Variants in SLC24A2 observed in about 807,000 individuals in gnomAD.
SLC24A2 encodes sodium/potassium/calcium exchanger 2.
In SLC24A2, 36 loss-of-function variants were observed where a neutral mutation model predicts 62.0. The observed-to-expected ratio is 0.58, with a 90% CI of 0.44 to 0.77. SLC24A2 has a LOEUF of 0.77. Ranked by LOEUF, SLC24A2 falls within the 30% of genes least tolerant of loss-of-function variation. SLC24A2 has a pLI of 0.00. For missense variants in SLC24A2, 846 were observed against 817.9 expected (o/e 1.03, Z -0.42); for synonymous variants, 358 against 294.0 (o/e 1.22, Z -2.23).
the SLC24A2 span, among the ~76,000 whole-genome samples, chr9:19,934,829 G>C: frequency 6.6e-6 from 1 of 152,062 alleles, no homozygotes; most frequent in Non-Finnish European, 1.5e-5. The surrounding 1 kb of genome is among the most constrained non-coding windows in gnomAD (Gnocchi z 4.1). Flanking sequence ...TGGCGAGTCC[G>C]TTTCTGTCTT....
chr9:19,989,659 G>A, the SLC24A2 span, among the ~76,000 whole-genome samples: 1 of 152,158 alleles, frequency 6.6e-6, no homozygotes, highest in Non-Finnish European at 1.5e-5. Flanking sequence ...TGATCCCTCT[G>A]TCAACTAAGA....
chr9:19,513,158 A>ATATATATATATATG lies in SLC24A2; in HGVS notation c.*2994_*2995insCATATATATATATA, dbSNP rs1832782942. 3.3e-5 allele frequency: 2 copies of ATATATATATATATG among 60,372 alleles called. No individual in the cohort carries two copies. Among genetic ancestry groups the ATATATATATATATG allele is most frequent in the African/African-American group, 1.3e-4 (2 of 15,172 alleles). 3.7% of individuals were successfully genotyped at this position (60,372 alleles called of 1,614,324 possible). The stretch of plus-strand genomic sequence containing the variant: ...ACATATAGATCTGGTATAAAGATAT[A>ATATATATATATATG]TATATATATATATATATGTATATAT... On this transcript the variant is annotated 3_prime_UTR_variant, in exon 11 of 11. Transcript: ENST00000341998.
the SLC24A2 span, among the ~76,000 whole-genome samples, chr9:19,797,157 TA>T: frequency 6.6e-6 from 1 of 152,212 alleles, no homozygotes; most frequent in South Asian, 2.1e-4. Context: ...ATAGGTCTAG[TA>T]GCTTCTCTTA....
the SLC24A2 span, among the ~76,000 whole-genome samples, chr9:20,190,646 A>G: frequency 6.6e-6 from 1 of 152,186 alleles, no homozygotes; most frequent in Non-Finnish European, 1.5e-5. Context: ...TTATGGATAA[A>G]TCAAGAATTT....
At chr9:19,835,833 A>T in the SLC24A2 span, among the ~76,000 whole-genome samples, 5 of 152,150 alleles carry the variant, frequency 3.3e-5, no homozygotes, top group African/African-American at 7.2e-5. Flanking sequence ...GAAGTAAAGC[A>T]CTCCTCAGCA....
intron 6 of SLC24A2, among the ~76,000 whole-genome samples, chr9:19,576,318 TA>T (rs1215252288): frequency 6.6e-6 from 1 of 152,210 alleles, no homozygotes; most frequent in Non-Finnish European, 1.5e-5. Flanking sequence ...TGTTCCATTT[TA>T]AAATAAGATG....
chr9:20,146,687 A>G, the SLC24A2 span, among the ~76,000 whole-genome samples: 1 of 152,014 alleles, frequency 6.6e-6, no homozygotes, highest in Non-Finnish European at 1.5e-5. Context: ...GCCTGCTGAA[A>G]GACACCCTGT....
the SLC24A2 span, among the ~76,000 whole-genome samples, chr9:20,013,044 G>GA: frequency 1.3e-5 from 2 of 151,922 alleles, no homozygotes; most frequent in African/African-American, 4.8e-5. Flanking sequence ...CACAGAAATG[G>GA]AAAAAACAAT....
In SLC24A2 at chr9:19,513,117, G is replaced by A; in HGVS notation, c.*3036C>T. On this transcript the variant is annotated 3_prime_UTR_variant, in exon 11 of 11. Coordinates refer to ENST00000341998, the MANE Select transcript of SLC24A2 (RefSeq NM_020344.4). ...ATAGGGTCAGAGGGTGATGATGTAA[G>A]TCATATTATATGTGTACATATAGAT... is the stretch of plus-strand genomic sequence containing the variant. 1 of 141,840 alleles carries A rather than the reference G, an allele frequency of 7.1e-6. No homozygotes were observed. Among genetic ancestry groups the A allele is most frequent in the East Asian group, 2.1e-4 (1 of 4,772 alleles). 8.8% of individuals were successfully genotyped at this position (141,840 alleles called of 1,614,324 possible). A position where few individuals can be genotyped will look rare whatever the true frequency, so the allele number is the denominator to read the frequency against.
chr9:19,871,009 T>C, the SLC24A2 span, among the ~76,000 whole-genome samples: 3 of 151,940 alleles, frequency 2.0e-5, no homozygotes, highest in East Asian at 5.8e-4. Flanking sequence ...CTTTTAATTT[T>C]AGTTTCTTTT....
intron 9 of SLC24A2, 38 bp downstream of exon 9, chr9:19,528,011 A>G (rs1168560644): frequency 7.8e-7 from 1 of 1,284,760 alleles, no homozygotes; most frequent in South Asian, 1.3e-5. Context: ...AGGACTGGAG[A>G]AAAACAAGGC....
intron 2 of SLC24A2, among the ~76,000 whole-genome samples, chr9:19,734,964 T>A (rs1016413953): frequency 1.3e-5 from 2 of 151,832 alleles, no homozygotes; most frequent in African/African-American, 4.8e-5. Context: ...GGACTTCATG[T>A]CTAAAACACC....
chr9:20,078,684 C>T, the SLC24A2 span, among the ~76,000 whole-genome samples: 1 of 152,188 alleles, frequency 6.6e-6, no homozygotes, highest in African/African-American at 2.4e-5. Flanking sequence ...CAACCATCCT[C>T]TTTCTTATGC....
the SLC24A2 span, among the ~76,000 whole-genome samples, chr9:19,973,867 T>C: frequency 2.6e-5 from 4 of 152,186 alleles, no homozygotes; most frequent in Non-Finnish European, 5.9e-5. Context: ...AAAACAAGGT[T>C]ATTGGACTCA....
At chr9:19,561,974 G>A (rs1413302648) in intron 7 of SLC24A2, among the ~76,000 whole-genome samples, 2 of 152,190 alleles carry the variant, frequency 1.3e-5, no homozygotes, top group African/African-American at 4.8e-5. Flanking sequence ...GAGTGATGAA[G>A]CTGTCTGGAC....
the SLC24A2 span, among the ~76,000 whole-genome samples, chr9:19,882,924 T>C: frequency 4.6e-5 from 7 of 152,316 alleles, no homozygotes; most frequent in Non-Finnish European, 8.8e-5. Context: ...CCTAGCAATA[T>C]GCAGGAAGAC....
intron 2 of SLC24A2, among the ~76,000 whole-genome samples, chr9:19,739,643 A>G (rs957485727): frequency 1.3e-5 from 2 of 152,190 alleles, no homozygotes; most frequent in Admixed American, 6.5e-5. Flanking sequence ...CCCCTATCTT[A>G]CGTCATAAAC....
the SLC24A2 span, among the ~76,000 whole-genome samples, chr9:20,012,681 A>C: frequency 1.3e-5 from 2 of 152,236 alleles, no homozygotes; most frequent in African/African-American, 4.8e-5. Context: ...TTCAGTAAAC[A>C]AATTCAGTAA....
chr9:20,113,205 T>A, the SLC24A2 span, among the ~76,000 whole-genome samples: 2 of 152,100 alleles, frequency 1.3e-5, no homozygotes, highest in Non-Finnish European at 2.9e-5. Flanking sequence ...TCAAACCCCA[T>A]AGTTCTAGGG....
Sources: allele counts gnomAD v4.1 joint callset (sites outside exome capture counted in the v4.1 genomes callset), GRCh38; gene constraint gnomAD v4.1.1; non-coding constraint Gnocchi (gnomAD v3.1); transcripts MANE v1.5; gene names NCBI Gene and HGNC (gene_info 2026-07-23, HGNC 2026-07-21).